CNTN1: variants seen among roughly 807,000 people sequenced by gnomAD.
CNTN1 encodes the protein contactin-1.
In CNTN1, 38 loss-of-function variants were observed where a neutral mutation model predicts 126.4. That is an observed-to-expected ratio of 0.30 (90% CI 0.23 to 0.39). The LOEUF is 0.39. CNTN1 is among the 10% of genes least tolerant of loss of function. The pLI, the probability that CNTN1 is intolerant of heterozygous loss-of-function variation, is 1.00. For missense variants in CNTN1, 1,009 were observed against 1,248.4 expected (o/e 0.81, Z 2.89); for synonymous variants, 413 against 422.6 (o/e 0.98, Z 0.28).
chr12:41,069,424 A>ATT (rs1950117560), intron 23 of CNTN1, among the ~76,000 whole-genome samples: 5 of 152,018 alleles, frequency 3.3e-5, no homozygotes, highest in African/African-American at 1.2e-4. Context: ...TTTTTACTGT[A>ATT]TCTCTTTTTT....
intron 1 of CNTN1, among the ~76,000 whole-genome samples, chr12:40,735,745 G>A (rs973974324): frequency 6.6e-6 from 1 of 152,072 alleles, no homozygotes; most frequent in African/African-American, 2.4e-5. Flanking sequence ...TACTGACAGA[G>A]GGCATATGCA....
rs557235374 is a variant in CNTN1, at chr12:41,014,704, T to G, written c.2184+406T>G. 3.3e-5 allele frequency among the ~76,000 whole-genome samples: 5 copies of G among 152,354 alleles called. No individual in the cohort carries two copies. In the South Asian group the frequency reaches 1.0e-3, roughly 32 times the overall value. ...GGAGACTGCCTCCTCACTTGAAGCTTACTTTGATCACTGGTGTAATCTAGC... is the reference window on the plus strand; with the variant it reads ...GGAGACTGCCTCCTCACTTGAAGCTGACTTTGATCACTGGTGTAATCTAGC... On this transcript the variant is annotated intron_variant, in intron 18 of 23. Coordinates refer to ENST00000551295, the MANE Select transcript of CNTN1 (RefSeq NM_001843.4).
At chr12:40,970,860 G>A (rs887589705) in intron 15 of CNTN1, among the ~76,000 whole-genome samples, 14 of 152,112 alleles carry the variant, frequency 9.2e-5, no homozygotes, top group Admixed American at 9.2e-4. Context: ...TTATGAAAGA[G>A]AATATGAGTA....
intron 1 of CNTN1, among the ~76,000 whole-genome samples, chr12:40,737,359 G>GTATATA (rs57273919): frequency 0.025 from 2,800 of 113,166 alleles, 78 homozygotes; most frequent in African/African-American, 0.06. Context: ...ATGTGTGTGT[G>GTATATA]TATATATATA....
chr12:40,865,157 C>T (rs1943255113), intron 1 of CNTN1, among the ~76,000 whole-genome samples: 1 of 152,056 alleles, frequency 6.6e-6, no homozygotes, highest in Non-Finnish European at 1.5e-5. Flanking sequence ...GGAGAAACAC[C>T]TCTTCAAATC....
intron 1 of CNTN1, among the ~76,000 whole-genome samples, chr12:40,817,611 CCTT>C (rs200971729): frequency 0.023 from 3,418 of 150,390 alleles, 119 homozygotes; most frequent in African/African-American, 0.078. Context: ...GGTCTTGACT[CCTT>C]ATCCAGTTTG....
At chr12:40,720,128 GGCATGA>G (rs10545834) in intron 1 of CNTN1, among the ~76,000 whole-genome samples, 92,319 of 149,330 alleles carry the variant, frequency 0.62, 28,936 homozygotes, top group East Asian at 0.83. Context: ...TGGGATTACA[GGCATGA>G]GCCACCGCGC....
intron 17 of CNTN1, among the ~76,000 whole-genome samples, chr12:41,010,661 CA>C (rs1948625345): frequency 6.6e-6 from 1 of 152,158 alleles, no homozygotes; most frequent in Admixed American, 6.5e-5. Context: ...TCGACTGATT[CA>C]GGGGATAAAG....
intron 1 of CNTN1, among the ~76,000 whole-genome samples, chr12:40,871,580 C>T (rs1943496485): frequency 6.6e-6 from 1 of 152,146 alleles, no homozygotes; most frequent in South Asian, 2.1e-4. Context: ...CTGTTTTGTG[C>T]TTGATCAACT....
intron 23 of CNTN1, among the ~76,000 whole-genome samples, chr12:41,067,131 G>T (rs1288436772): frequency 1.3e-5 from 2 of 152,092 alleles, no homozygotes; most frequent in Admixed American, 1.3e-4. Flanking sequence ...CTTCAATTCG[G>T]TCTCTAATTT....
intron 15 of CNTN1, among the ~76,000 whole-genome samples, chr12:40,970,055 A>G (rs140193779): frequency 2.1e-3 from 321 of 152,234 alleles, no homozygotes; most frequent in African/African-American, 7.7e-3. Context: ...TTTCTCGAGA[A>G]GAAAGGAACT....
chr12:40,807,076 T>G (rs1394000704), intron 1 of CNTN1, among the ~76,000 whole-genome samples: 3 of 151,982 alleles, frequency 2.0e-5, no homozygotes, highest in African/African-American at 7.2e-5. Context: ...TGATAATTCA[T>G]ACAAAATAAT....
intron 1 of CNTN1, among the ~76,000 whole-genome samples, chr12:40,747,305 A>ATGTGTGTG (rs58826763): frequency 0.4 from 58,701 of 148,056 alleles, 11,559 homozygotes; most frequent in South Asian, 0.47. Context: ...TTGTGAAGGG[A>ATGTGTGTG]TGTGTGTGTG....
At chr12:40,729,228 C>G (rs986285487) in intron 1 of CNTN1, 5 of 185,880 alleles carry the variant, frequency 2.7e-5, no homozygotes, top group African/African-American at 1.2e-4. Flanking sequence ...TGTATCTAAG[C>G]TGCTAGAGAA....
chr12:40,966,035 C>G (rs1201704011), intron 15 of CNTN1, among the ~76,000 whole-genome samples: 1 of 151,256 alleles, frequency 6.6e-6, no homozygotes, highest in African/African-American at 2.4e-5. Flanking sequence ...CACACACACA[C>G]ACACGCACGC....
chr12:40,867,283 C>T (rs1251473724), intron 1 of CNTN1, among the ~76,000 whole-genome samples: 1 of 152,068 alleles, frequency 6.6e-6, no homozygotes, highest in Non-Finnish European at 1.5e-5. Context: ...ATACATGCCC[C>T]TAACCTAAAT....
intron 9 of CNTN1, among the ~76,000 whole-genome samples, chr12:40,935,807 A>G (rs920770267): frequency 1.2e-4 from 19 of 152,102 alleles, no homozygotes; most frequent in African/African-American, 1.9e-4. Context: ...GTCTACATGT[A>G]TAATGTATAC....
intron 23 of CNTN1, among the ~76,000 whole-genome samples, chr12:41,045,123 G>A (rs1196681055): frequency 6.6e-6 from 1 of 151,922 alleles, no homozygotes; most frequent in African/African-American, 2.4e-5. Context: ...ACACTCAAGT[G>A]GATTGAAAAC....
intron 6 of CNTN1, among the ~76,000 whole-genome samples, chr12:40,928,073 TGG>T (rs926124101): frequency 6.6e-6 from 1 of 152,100 alleles, no homozygotes; most frequent in African/African-American, 2.4e-5. Context: ...ATGCATTTTG[TGG>T]GCAGTATCTT....
Sources: gnomAD v4.1 joint callset for allele counts (sites outside exome capture counted in the v4.1 genomes callset) on GRCh38, gnomAD v4.1.1 for gene constraint, MANE v1.5 for transcripts, NCBI Gene and HGNC (gene_info 2026-07-23, HGNC 2026-07-21) for gene names.